Variants in ZNF358 observed in about 807,000 individuals in gnomAD.
The protein encoded by ZNF358 is zinc finger protein 358.
Under a neutral mutation model 2.1 loss-of-function variants are expected in ZNF358, and 1 was observed. That is an observed-to-expected ratio of 0.49 (90% CI 0.17 to 2.30). The LOEUF is 2.30. Ranked by LOEUF, ZNF358 falls within the 30% of genes most tolerant of loss-of-function variation. ZNF358 has a pLI of 0.26. For missense variants in ZNF358, 665 were observed against 806.8 expected (o/e 0.82, Z 2.13); for synonymous variants, 381 against 359.7 (o/e 1.06, Z -0.67).
At position 7,520,560 on chromosome 19, in the gene ZNF358, C is replaced by G. The variant is rs12977398; in HGVS notation, c.1318C>G (p.Pro440Ala). Residue 440 changes from proline to alanine, a missense_variant, in exon 2 of 2, where the codon CCT becomes GCT. Transcript: ENST00000597229. This position sits in a 1 kb window ranked among gnomAD's most constrained non-coding sequence, Gnocchi z 6.0. ...MRPGQVSLLG[P>A]DAVSVLGSGL... ...GCCGGGGCAGGTCTCCCTCCTGGGT[C>G]CTGATGCTGTTTCTGTGCTCGGCTC... 5 of 1,274,430 alleles carry G rather than the reference C, an allele frequency of 3.9e-6. No individual in the cohort carries two copies. The highest frequency in any genetic ancestry group is 5.6e-6 in the Non-Finnish European group (5 of 894,514). 78.9% of individuals were successfully genotyped at this position (1,274,430 alleles called of 1,614,324 possible). A position where few individuals can be genotyped will look rare whatever the true frequency, so the allele number is the denominator to read the frequency against.
chr19:7,520,799 C>A lies in ZNF358; in HGVS notation c.1557C>A (p.Asp519Glu), dbSNP rs1004656258. Residue 519 changes from aspartate to glutamate, a missense_variant, in exon 2 of 2, where the codon GAC becomes GAA. Coordinates refer to ENST00000597229, the MANE Select transcript of ZNF358 (RefSeq NM_018083.5). This position sits in a 1 kb window ranked among gnomAD's most constrained non-coding sequence, Gnocchi z 6.0. ...SPDLDPVPSP[D>E]PDPVPSPDPN... ...ACCTTGATCCTGTGCCCAGCCCAGA[C>A]CCTGATCCTGTGCCCAGCCCTGATC... 15 of 1,611,566 alleles carry A rather than the reference C, an allele frequency of 9.3e-6. No homozygotes were observed. The Admixed American group carries it at 1.3e-4, about 14-fold the overall frequency.
rs2146013480 is a variant in ZNF358, at chr19:7,519,664, T to C, written c.422T>C (p.Leu141Pro). 1 of 1,574,916 alleles carries C rather than the reference T, an allele frequency of 6.3e-7. No individual in the cohort carries two copies. Among genetic ancestry groups the C allele is most frequent in the South Asian group, 1.1e-5 (1 of 87,980 alleles). The change falls in exon 2 of 2, where the codon CTC becomes CCC. Residue 141 changes from leucine to proline, a missense_variant. Leu to Pro is a moderately conservative substitution (Grantham distance 98, BLOSUM62 -3). Coordinates refer to ENST00000597229, the MANE Select transcript of ZNF358 (RefSeq NM_018083.5). ...PQVLATSPAVLPAPASPPRPF... is the reference protein window; with the variant it reads ...PQVLATSPAVPPAPASPPRPF... ...GTCTTGGCCACCAGCCCCGCGGTGC[T>C]CCCCGCCCCCGCCAGCCCGCCCCGG...
Position 7,520,743 on chromosome 19 carries a change from G to C in ZNF358, c.1501G>C (p.Asp501His). 1.2e-6 allele frequency: 2 copies of C among 1,613,990 alleles called. No individual in the cohort carries two copies. Among genetic ancestry groups the C allele is most frequent in the Non-Finnish European group, 8.5e-7 (1 of 1,180,014 alleles). Residue 501 changes from aspartate (D) to histidine (H), a missense_variant, in exon 2 of 2, where the codon GAC becomes CAC. This residue lies in a region of ZNF358 where 249 missense variants were observed against 227.6 expected (regional missense o/e 1.09). Transcript: ENST00000597229. The surrounding 1 kb of genome is among the most constrained non-coding windows in gnomAD (Gnocchi z 6.0). The stretch of plus-strand genomic sequence containing the variant: ...ATCTTCTGACCCAAAGGCTGGGCAC[G>C]ACGCTGGTCCCGACCTTGTGCCCAG... ...VESSDPKAGH[D>H]AGPDLVPSPD...
Sources: gnomAD v4.1 joint callset for allele counts on GRCh38, gnomAD v4.1.1 for gene constraint, gnomAD v4.1.1 regional missense constraint, Gnocchi (gnomAD v3.1) non-coding constraint, MANE v1.5 for transcripts, NCBI Gene and HGNC (gene_info 2026-07-23, HGNC 2026-07-21) for gene names.